The following PDE1C variants were observed in gnomAD, a reference collection of about 807,000 sequenced individuals.
PDE1C encodes the protein phosphodiesterase 1C.
Under a neutral mutation model 93.1 loss-of-function variants are expected in PDE1C, and 62 were observed. The observed-to-expected ratio is 0.67, with a 90% confidence interval of 0.54 to 0.82. The LOEUF is 0.82. PDE1C is among the 40% of genes least tolerant of loss of function. PDE1C has a pLI of 0.00. For synonymous variants in PDE1C, 325 were observed against 310.1 expected, an observed-to-expected ratio of 1.05 and a Z score of -0.50; for missense variants, 742 against 884.6, an observed-to-expected ratio of 0.84 and a Z score of 2.04.
intron 14 of PDE1C, among the ~76,000 whole-genome samples, chr7:31,818,467 G>A (rs1415831461): frequency 2.0e-5 from 3 of 152,232 alleles, no homozygotes; most frequent in South Asian, 2.1e-4. Context: ...GCACACACTC[G>A]AAGTATTTGT....
intron 2 of PDE1C, among the ~76,000 whole-genome samples, chr7:31,941,041 T>C (rs1805772859): frequency 6.6e-6 from 1 of 151,922 alleles, no homozygotes; most frequent in African/African-American, 2.4e-5. Flanking sequence ...AACACCAGTC[T>C]TCTAAGTGGA....
downstream of PDE1C, among the ~76,000 whole-genome samples, chr7:31,747,359 A>G (rs931687410): frequency 6.6e-6 from 1 of 152,216 alleles, no homozygotes; most frequent in Non-Finnish European, 1.5e-5. Flanking sequence ...ACACAGGTTC[A>G]TTATAAGAGT....
At position 31,963,375 on chromosome 7, in the gene PDE1C, G is replaced by A. The variant is rs74908454; in HGVS notation, c.129-82515C>T. Reference sequence around the variant, plus strand: ...TTAAACATTTATTTAGGGATGAAATGATTTTCATCTTAAAAAATGAAGTCT... The same window carrying A: ...TTAAACATTTATTTAGGGATGAAATAATTTTCATCTTAAAAAATGAAGTCT... On this transcript the variant is annotated intron_variant, in intron 2 of 17. Transcript: ENST00000396191. 2.7e-3 allele frequency among the ~76,000 whole-genome samples: 414 copies of A among 152,200 alleles called. 7 individuals are homozygous for A. The South Asian group carries it at 0.033, about 12-fold the overall frequency.
chr7:32,212,036 AAAAAAAAAAG>A (rs1452088989), intron 1 of PDE1C, among the ~76,000 whole-genome samples: 1 of 151,338 alleles, frequency 6.6e-6, no homozygotes, highest in Non-Finnish European at 1.5e-5. Flanking sequence ...AAAAAAAAAA[AAAAAAAAAAG>A]AAAGAAAGAA....
intron 2 of PDE1C, among the ~76,000 whole-genome samples, chr7:31,961,008 C>T (rs1046338218): frequency 6.6e-6 from 1 of 152,138 alleles, no homozygotes; most frequent in Non-Finnish European, 1.5e-5. Flanking sequence ...AACAAATTGA[C>T]ACGTTCTGTC....
intron 2 of PDE1C, among the ~76,000 whole-genome samples, chr7:32,027,252 G>A (rs1011317054): frequency 6.6e-6 from 1 of 152,084 alleles, no homozygotes; most frequent in African/African-American, 2.4e-5. Flanking sequence ...GGGGGAAGCT[G>A]CACATGTGGG....
At chr7:32,197,597 G>A (rs1318762614) in intron 2 of PDE1C, among the ~76,000 whole-genome samples, 1 of 152,140 alleles carries the variant, frequency 6.6e-6, no homozygotes, top group African/African-American at 2.4e-5. Context: ...ATCCATACTA[G>A]GGAATATTGT....
At chr7:31,732,108 C>T in the PDE1C span, among the ~76,000 whole-genome samples, 18 of 152,344 alleles carry the variant, frequency 1.2e-4, no homozygotes, top group Admixed American at 4.6e-4. Flanking sequence ...ATGCGAGGTG[C>T]GGGAGGAGGG....
rs184602004 is a variant in PDE1C at position 31,801,811 on chromosome 7, G to C, written c.1891+7220C>G. 5.8e-3 allele frequency among the ~76,000 whole-genome samples: 880 copies of C among 151,312 alleles called. 6 individuals are homozygous for C. Among genetic ancestry groups the C allele is most frequent in the African/African-American group, 0.02 (837 of 41,402 alleles). On this transcript the variant is annotated intron_variant, in intron 16 of 17. Transcript: ENST00000396191. ...TAATATAGCCACCAGGCTTTCTTTT[G>C]ATTAGTGTTAAGACAGTATACCAAT...
chr7:31,708,262 C>G, the PDE1C span: 23 of 152,250 alleles, frequency 1.5e-4, no homozygotes, highest in African/African-American at 5.5e-4. Context: ...ATCCACCAGG[C>G]AATAGACAGG....
chr7:31,925,454 A>G (rs1262466334), intron 2 of PDE1C, among the ~76,000 whole-genome samples: 1 of 113,032 alleles, frequency 8.8e-6, no homozygotes, highest in East Asian at 2.6e-4. Flanking sequence ...AAATTGATAC[A>G]GGATGCTTAG....
chr7:32,067,584 A>T (rs1046163563), intron 1 of PDE1C, among the ~76,000 whole-genome samples: 2 of 152,198 alleles, frequency 1.3e-5, no homozygotes, highest in African/African-American at 4.8e-5. Context: ...CCAGTGTGAA[A>T]GAGGGGCTAT....
chr7:31,736,396 A>T, the PDE1C span, among the ~76,000 whole-genome samples: 1 of 152,164 alleles, frequency 6.6e-6, no homozygotes, highest in Non-Finnish European at 1.5e-5. Context: ...CCCAAACTGG[A>T]GACCCAGGTT....
At chr7:32,338,796 G>A (rs1783680907) in intron 1 of PDE1C, among the ~76,000 whole-genome samples, 1 of 152,140 alleles carries the variant, frequency 6.6e-6, no homozygotes, top group African/African-American at 2.4e-5. Flanking sequence ...GAGGTCAGGA[G>A]ATCGAGACCA....
chr7:32,314,485 A>T lies in PDE1C; in HGVS notation c.311-104946T>A, dbSNP rs140010101. 7.2e-3 allele frequency among the ~76,000 whole-genome samples: 1,091 copies of T among 152,290 alleles called. 15 individuals are homozygous for T. Among genetic ancestry groups the T allele is most frequent in the African/African-American group, 0.025 (1,046 of 41,558 alleles). ...CCACTTGCACAGCGATAAGTCCCAG[A>T]TGGATAACTGGTTACAGGTAGAGCT... On this transcript the variant is annotated intron_variant, in intron 1 of 1. Coordinates refer to the PDE1C transcript ENST00000672256.
chr7:32,344,641 T>C (rs1783817682), intron 1 of PDE1C, among the ~76,000 whole-genome samples: 1 of 152,160 alleles, frequency 6.6e-6, no homozygotes. Context: ...ACCACCTTTA[T>C]ATATGAAACA....
intron 1 of PDE1C, among the ~76,000 whole-genome samples, chr7:32,398,652 G>T (rs1319102109): frequency 6.6e-6 from 1 of 152,076 alleles, no homozygotes; most frequent in African/African-American, 2.4e-5. Context: ...GCCTCCCAAA[G>T]TGCTGGGATT....
intron 2 of PDE1C, among the ~76,000 whole-genome samples, chr7:31,924,256 T>C (rs1245826207): frequency 6.6e-6 from 1 of 152,230 alleles, no homozygotes. Flanking sequence ...TCTTCCCTCA[T>C]ACCTCACACA....
intron 1 of PDE1C, among the ~76,000 whole-genome samples, chr7:32,314,053 G>GA (rs905593980): frequency 3.3e-5 from 5 of 151,494 alleles, no homozygotes; most frequent in Admixed American, 2.0e-4. Flanking sequence ...AATGAGAAAT[G>GA]AAAAAAATAA....
Sources: gnomAD v4.1 joint callset for allele counts (sites outside exome capture counted in the v4.1 genomes callset) on GRCh38, gnomAD v4.1.1 for gene constraint, MANE v1.5 for transcripts, NCBI Gene and HGNC (gene_info 2026-07-23, HGNC 2026-07-21) for gene names.